Variants in TDRD9 observed in about 807,000 individuals in gnomAD.
The protein encoded by TDRD9 is ATP-dependent RNA helicase TDRD9.
A neutral mutation model predicts 172.6 loss-of-function variants in TDRD9; 124 were observed. That is an observed-to-expected ratio of 0.72 (90% CI 0.62 to 0.83). The LOEUF (loss-of-function observed/expected upper bound fraction) is 0.83, where lower values mean the gene tolerates loss of function less well. Among genes scored for constraint, TDRD9 ranks in the 40% least tolerant of loss-of-function variants. TDRD9 has a pLI of 0.00. For synonymous variants in TDRD9, 619 were observed against 617.1 expected (o/e 1.00, Z -0.05); for missense variants, 1,479 against 1,714.1 (o/e 0.86, Z 2.42).
chr14:103,990,309 A>G (rs1025518660), intron 8 of TDRD9, among the ~76,000 whole-genome samples: 1 of 152,216 alleles, frequency 6.6e-6, no homozygotes, highest in Admixed American at 6.5e-5. Flanking sequence ...AGGAGCAGTG[A>G]CCATGGATGC....
In TDRD9 at chr14:104,023,462, T is replaced by G. The variant is rs1325460292; in HGVS notation, c.2607-1107T>G. Reference sequence around the variant, plus strand: ...CTTACCAGTGTAAGCTGCCCTTCCTTGCCAAATGGCATCTTTCCCTCCCGC... The same window carrying G: ...CTTACCAGTGTAAGCTGCCCTTCCTGGCCAAATGGCATCTTTCCCTCCCGC... On this transcript the variant is annotated intron_variant, in intron 24 of 35. Transcript: ENST00000409874. 2.6e-5 allele frequency among the ~76,000 whole-genome samples: 4 copies of G among 152,242 alleles called. No homozygotes were observed. In the East Asian group the frequency reaches 5.8e-4, roughly 22 times the overall value.
chr14:103,990,339 T>A (rs983077818), intron 8 of TDRD9, among the ~76,000 whole-genome samples: 1 of 152,246 alleles, frequency 6.6e-6, no homozygotes, highest in African/African-American at 2.4e-5. Flanking sequence ...TGTGCTGCAG[T>A]GACTGGTTTA....
Position 103,991,469 on chromosome 14 carries a change from G to A in TDRD9, c.1180+245G>A, listed in dbSNP as rs141400225. Reference sequence around the variant, plus strand: ...TGCTCTGTTGCTAGGCTGGAGTGCAGTGGCACGATCTTGGCTCACTGCAAC... The same window carrying A: ...TGCTCTGTTGCTAGGCTGGAGTGCAATGGCACGATCTTGGCTCACTGCAAC... On this transcript the variant is annotated intron_variant, in intron 9 of 35. Coordinates refer to ENST00000409874, the MANE Select transcript of TDRD9 (RefSeq NM_153046.3). 5.1e-3 allele frequency among the ~76,000 whole-genome samples: 772 copies of A among 151,738 alleles called. 8 individuals carry two copies. Among genetic ancestry groups the A allele is most frequent in the African/African-American group, 0.018 (741 of 41,336 alleles).
intron 3 of TDRD9, among the ~76,000 whole-genome samples, chr14:103,963,996 C>T (rs2032625362): frequency 6.6e-6 from 1 of 152,072 alleles, no homozygotes; most frequent in Non-Finnish European, 1.5e-5. Context: ...TACTTGTTTC[C>T]AAATATGTCT....
In TDRD9 at chr14:104,019,185, G is replaced by A. The variant is rs919741706; in HGVS notation, c.2432+993G>A. On this transcript the variant is annotated intron_variant, in intron 23 of 35. Transcript: ENST00000409874. ...CTAAACTCATTCCTGAATAGTGTGC[G>A]TCTGCTTACCTGGGTGAGCTTCCAG... Among the ~76,000 whole-genome samples, 54 of 152,258 alleles carry A rather than the reference G, an allele frequency of 3.5e-4. 1 individual carries two copies. Among genetic ancestry groups the A allele is most frequent in the African/African-American group, 1.3e-3 (53 of 41,542 alleles).
At chr14:103,938,429 TATATATATA>T (rs1443104797) in intron 1 of TDRD9, among the ~76,000 whole-genome samples, 3 of 60,740 alleles carry the variant, frequency 4.9e-5, no homozygotes, top group African/African-American at 1.8e-4. Flanking sequence ...TATATATATA[TATATATATA>T]TATTTTTTTT....
At chr14:103,973,448 C>T (rs1183762086) in intron 6 of TDRD9, among the ~76,000 whole-genome samples, 2 of 152,196 alleles carry the variant, frequency 1.3e-5, no homozygotes, top group Non-Finnish European at 2.9e-5. Context: ...CATCCTCCAG[C>T]CACTGACCTT....
rs45456198 is a variant in TDRD9 at position 103,994,160 on chromosome 14, T to C, written c.1181-172T>C. ...ATATTTTTGAGTTACTACTAATCAA[T>C]GTCACTGTGTACTTTTACTTGTGTT... On this transcript the variant is annotated intron_variant, in intron 9 of 35. Transcript: ENST00000409874. Among the ~76,000 whole-genome samples the C allele has an allele frequency of 8.9e-3, 1,359 of 152,348 alleles. 16 individuals are homozygous for C. The highest frequency in any genetic ancestry group is 0.051 in the Middle Eastern group (15 of 294).
Position 103,944,033 on chromosome 14 carries a change from C to T in TDRD9, c.216-11631C>T, listed in dbSNP as rs73352447. Among the ~76,000 whole-genome samples, 265 of 152,258 alleles carry T rather than the reference C, an allele frequency of 1.7e-3. 3 individuals carry two copies. The highest frequency in any genetic ancestry group is 5.9e-3 in the African/African-American group (244 of 41,532). ...ACCAAATTTTATACTAAAATTACAG[C>T]GAATCTTGCCGCATACTCCTTTGAA... On this transcript the variant is annotated intron_variant, in intron 1 of 35. Coordinates refer to ENST00000409874, the MANE Select transcript of TDRD9 (RefSeq NM_153046.3).
intron 35 of TDRD9, 30 bp from the exon 36 acceptor site, chr14:104,051,951 C>T: frequency 2.0e-6 from 3 of 1,486,688 alleles, no homozygotes; most frequent in Non-Finnish European, 2.8e-6. Context: ...TGTCACAGAG[C>T]CTGACTGGTC....
chr14:103,975,436 C>T lies in TDRD9; in HGVS notation c.894C>T (p.Tyr298=), dbSNP rs555873387. The T allele has an allele frequency of 1.2e-6, 2 of 1,613,942 alleles. No homozygotes were observed. The highest frequency in any genetic ancestry group is 1.1e-5 in the South Asian group (1 of 91,072). The change falls in exon 7 of 36, where the codon TAC becomes TAT. Residue 298 remains tyrosine, a synonymous_variant. Coordinates refer to ENST00000409874, the MANE Select transcript of TDRD9 (RefSeq NM_153046.3). ...ATISCKEFAD[Y]FAVPVQNKMN... is the part of the protein sequence containing the mutation. ...TCAGCTGTAAAGAGTTTGCAGACTACTTTGCTGTTCCTGTTCAAAACAAGA... is the reference window on the plus strand; with the variant it reads ...TCAGCTGTAAAGAGTTTGCAGACTATTTTGCTGTTCCTGTTCAAAACAAGA...
rs1304006909 is a variant in TDRD9 at position 103,991,789 on chromosome 14, A to G, written c.1180+565A>G. ...TTTTTTTTTTTGGAGACAGAGTCTC[A>G]CTCTGTTGCCCAGGCAGGGGTACAG... is the stretch of plus-strand genomic sequence containing the variant. On this transcript the variant is annotated intron_variant, in intron 9 of 35. Transcript: ENST00000409874. 2.8e-5 allele frequency among the ~76,000 whole-genome samples: 4 copies of G among 144,396 alleles called. No individual in the cohort carries two copies. The South Asian group carries it at 8.7e-4, about 32-fold the overall frequency. The allele number at this position is 144,396 out of a possible 152,430, so 94.7% of individuals were successfully genotyped here.
At chr14:103,978,864 G>A (rs923570234) in intron 7 of TDRD9, among the ~76,000 whole-genome samples, 2 of 152,172 alleles carry the variant, frequency 1.3e-5, no homozygotes, top group South Asian at 2.1e-4. Flanking sequence ...GCATGGTGAT[G>A]AGCTCAGTGT....
chr14:103,956,102 AAAAAAAAAAATATATATATATAT>A (rs1248777726), intron 2 of TDRD9, among the ~76,000 whole-genome samples: 1 of 57,280 alleles, frequency 1.7e-5, no homozygotes, highest in Admixed American at 2.3e-4. Context: ...AAAAAAAAAA[AAAAAAAAAAATATATATATATAT>A]ATATATATAT....
At chr14:103,945,968 G>GTT (rs71681370) in intron 1 of TDRD9, among the ~76,000 whole-genome samples, 270 of 147,764 alleles carry the variant, frequency 1.8e-3, no homozygotes, top group Admixed American at 2.2e-3. Context: ...ATATCTTTCT[G>GTT]TTTTTTTTTT....
intron 13 of TDRD9, among the ~76,000 whole-genome samples, chr14:104,001,800 G>A (rs1290340056): frequency 6.6e-6 from 1 of 151,918 alleles, no homozygotes; most frequent in African/African-American, 2.4e-5. Context: ...GTAGAGATGG[G>A]GTTTCACCAT....
intron 2 of TDRD9, among the ~76,000 whole-genome samples, chr14:103,956,849 C>T (rs1185770536): frequency 6.6e-6 from 1 of 152,018 alleles, no homozygotes; most frequent in African/African-American, 2.4e-5. Flanking sequence ...TAGCACCAGG[C>T]CCTATTCATA....
chr14:103,965,691 T>A (rs1207241252), intron 4 of TDRD9, 137 bp downstream of exon 4: 2 of 792,624 alleles, frequency 2.5e-6, no homozygotes, highest in Non-Finnish European at 4.0e-6. Flanking sequence ...ATGCCTGTAA[T>A]CCCAGCACTT....
At chr14:104,003,716 G>C (rs1443459450) in intron 13 of TDRD9, among the ~76,000 whole-genome samples, 5 of 151,890 alleles carry the variant, frequency 3.3e-5, no homozygotes, top group Non-Finnish European at 5.9e-5. Flanking sequence ...GCCAGCCTTG[G>C]TTCTGAACCT....
Sources: gnomAD v4.1 joint callset for allele counts (sites outside exome capture counted in the v4.1 genomes callset) on GRCh38, gnomAD v4.1.1 for gene constraint, MANE v1.5 for transcripts, NCBI Gene and HGNC (gene_info 2026-07-23, HGNC 2026-07-21) for gene names.